Variants in OR51E2 observed in about 807,000 individuals in gnomAD.
OR51E2 encodes the protein olfactory receptor 51E2.
A neutral mutation model predicts 13.7 loss-of-function variants in OR51E2; 14 were observed. The observed-to-expected ratio is 1.02, with a 90% CI of 0.68 to 1.60. OR51E2 has a LOEUF of 1.60. OR51E2 is among the 40% of genes most tolerant of loss of function. The pLI is 0.00. For missense variants in OR51E2, 483 were observed against 413.8 expected (o/e 1.17, Z -1.45); for synonymous variants, 180 against 157.6 (o/e 1.14, Z -1.07).
intron 1 of OR51E2, among the ~76,000 whole-genome samples, chr11:4,694,573 TATACACAC>T (rs1847633135): frequency 8.4e-6 from 1 of 118,874 alleles, no homozygotes; most frequent in African/African-American, 2.6e-5. Flanking sequence ...TACATATATA[TATACACAC>T]ACACACACAC....
intron 1 of OR51E2, among the ~76,000 whole-genome samples, chr11:4,686,171 A>G (rs933514937): frequency 2.0e-5 from 3 of 152,232 alleles, no homozygotes; most frequent in Non-Finnish European, 4.4e-5. Flanking sequence ...CAGGGTGGTC[A>G]TACACACCTA....
chr11:4,691,419 C>G (rs757387029), intron 1 of OR51E2: 4 of 457,702 alleles, frequency 8.7e-6, no homozygotes, highest in Non-Finnish European at 1.8e-5. Context: ...GGCATTAAAG[C>G]TGATTTCCCT....
At chr11:4,693,179 A>T (rs747654097) in intron 1 of OR51E2, among the ~76,000 whole-genome samples, 1 of 152,198 alleles carries the variant, frequency 6.6e-6, no homozygotes, top group Non-Finnish European at 1.5e-5. Context: ...GTCATTCCAC[A>T]ATGCATACAT....
At chr11:4,697,464 A>G (rs975190288) in intron 1 of OR51E2, among the ~76,000 whole-genome samples, 189 bp downstream of exon 1, 2 of 152,252 alleles carry the variant, frequency 1.3e-5, no homozygotes, top group African/African-American at 4.8e-5. Flanking sequence ...TATATCAGGC[A>G]GAACGAAATA....
chr11:4,688,958 T>C (rs1847547224), intron 1 of OR51E2, among the ~76,000 whole-genome samples: 1 of 152,190 alleles, frequency 6.6e-6, no homozygotes, highest in Non-Finnish European at 1.5e-5. Flanking sequence ...GATATTAGTA[T>C]ATATTAGACG....
At chr11:4,696,494 G>C (rs1368949405) in intron 1 of OR51E2, among the ~76,000 whole-genome samples, 1 of 152,142 alleles carries the variant, frequency 6.6e-6, no homozygotes, top group Non-Finnish European at 1.5e-5. Flanking sequence ...AGAAGGCCAA[G>C]CAATTGTTAG....
chr11:4,682,428 G>T lies in OR51E2; in HGVS notation c.284C>A (p.Ala95Asp), dbSNP rs758249216. The T allele has an allele frequency of 1.2e-6, 2 of 1,614,186 alleles. No homozygotes were observed. The highest frequency in any genetic ancestry group is 3.3e-5 in the Admixed American group (2 of 60,026). Residue 95 changes from alanine to aspartate, a missense_variant, in exon 2 of 2, where the codon GCC becomes GAC. Coordinates refer to ENST00000396950, the MANE Select transcript of OR51E2 (RefSeq NM_030774.4). ...AATAAAGAACATCTGGGTAAGACAG[G>T]CCTCAAAGCTAATCTCTCGGGAATC... ...WFDSREISFEACLTQMFFIHA... is the reference protein window; with the variant it reads ...WFDSREISFEDCLTQMFFIHA...
At chr11:4,691,195 A>G (rs1489720752) in intron 1 of OR51E2, 1 of 456,674 alleles carries the variant, frequency 2.2e-6, no homozygotes, top group African/African-American at 2.0e-5. Context: ...CTGTGGCAGT[A>G]GGAAAGTCTT....
At chr11:4,689,593 T>C (rs1041041227) in intron 1 of OR51E2, among the ~76,000 whole-genome samples, 3 of 152,218 alleles carry the variant, frequency 2.0e-5, no homozygotes, top group Non-Finnish European at 4.4e-5. Context: ...TTGAAATATA[T>C]GCTTTAAAAA....
chr11:4,685,245 G>A (rs778417219), intron 1 of OR51E2, among the ~76,000 whole-genome samples: 3 of 152,180 alleles, frequency 2.0e-5, no homozygotes, highest in Admixed American at 6.5e-5. Flanking sequence ...ATTCCCATGG[G>A]CTTCCCACTG....
intron 1 of OR51E2, among the ~76,000 whole-genome samples, chr11:4,684,076 A>G (rs750659691): frequency 1.3e-5 from 2 of 152,220 alleles, no homozygotes; most frequent in Admixed American, 6.5e-5. Flanking sequence ...AGTGATCTTA[A>G]AGTACAATAT....
intron 1 of OR51E2, among the ~76,000 whole-genome samples, chr11:4,695,368 A>G (rs1164062206): frequency 6.6e-6 from 1 of 152,224 alleles, no homozygotes; most frequent in Non-Finnish European, 1.5e-5. Context: ...TAACTCAACA[A>G]TAAAAGCTTC....
At position 4,682,611 on chromosome 11, in the gene OR51E2, T is replaced by A; in HGVS notation, c.101A>T (p.Tyr34Phe). The change falls in exon 2 of 2, where the codon TAT becomes TTT. Residue 34 changes from tyrosine (Y) to phenylalanine (F), a missense_variant. Tyr to Phe is a conservative substitution (Grantham distance 22). Transcript: ENST00000396950. ...FWVGFPLLSM[Y>F]VVAMFGNCIV... is the part of the protein sequence containing the mutation. Reference sequence around the variant, plus strand: ...GCAGTTTCCAAACATTGCCACTACATACATGGAAAGGAGGGGGAAGCCAAC... The same window carrying A: ...GCAGTTTCCAAACATTGCCACTACAAACATGGAAAGGAGGGGGAAGCCAAC... The A allele has an allele frequency of 6.2e-7, 1 of 1,614,130 alleles. No individual in the cohort carries two copies. Among genetic ancestry groups the A allele is most frequent in the Non-Finnish European group, 8.5e-7 (1 of 1,180,018 alleles).
intron 1 of OR51E2, chr11:4,685,987 CACAGAA>C (rs1279332157): frequency 1.3e-5 from 2 of 152,224 alleles, no homozygotes; most frequent in African/African-American, 2.4e-5. Flanking sequence ...AATCTTTGAA[CACAGAA>C]ACAGAAGTAC....
At chr11:4,694,771 T>A (rs138553967) in intron 1 of OR51E2, among the ~76,000 whole-genome samples, 1 of 152,132 alleles carries the variant, frequency 6.6e-6, no homozygotes, top group Non-Finnish European at 1.5e-5. Context: ...ATGTATCTAA[T>A]TGATAAGGCA....
chr11:4,691,276 T>C (rs1048544816), intron 1 of OR51E2: 3 of 457,080 alleles, frequency 6.6e-6, no homozygotes, highest in African/African-American at 6.0e-5. Context: ...ATTTGAGCTA[T>C]TCTGGAGTCA....
chr11:4,694,194 T>A (rs370802963), intron 1 of OR51E2, among the ~76,000 whole-genome samples: 2 of 152,132 alleles, frequency 1.3e-5, no homozygotes, highest in East Asian at 1.9e-4. Flanking sequence ...CTATTTTCAT[T>A]CTTCTTGGTA....
At chr11:4,686,157 C>G (rs1332383855) in intron 1 of OR51E2, among the ~76,000 whole-genome samples, 1 of 152,110 alleles carries the variant, frequency 6.6e-6, no homozygotes, top group Non-Finnish European at 1.5e-5. Context: ...AAAGTCCTTG[C>G]CTTCAGGGTG....
Position 4,681,656 on chromosome 11 carries a change from T to C in OR51E2, c.*93A>G, listed in dbSNP as rs551970005. The stretch of plus-strand genomic sequence containing the variant: ...TACTATTCCAGCCAGAGAAAAGTAC[T>C]GATGTGCTTATGGGCAACTGGAAAT... On this transcript the variant is annotated 3_prime_UTR_variant, in exon 2 of 2. Transcript: ENST00000396950. 1.3e-5 allele frequency: 18 copies of C among 1,432,074 alleles called. No individual in the cohort carries two copies. The highest frequency in any genetic ancestry group is 3.7e-4 in the Middle Eastern group (2 of 5,430). 88.7% of individuals were successfully genotyped at this position (1,432,074 alleles called of 1,614,324 possible).
Sources: allele counts gnomAD v4.1 joint callset (sites outside exome capture counted in the v4.1 genomes callset), GRCh38; gene constraint gnomAD v4.1.1; transcripts MANE v1.5; gene names NCBI Gene and HGNC (gene_info 2026-07-23, HGNC 2026-07-21).